Variants in UBE2D3 observed in about 807,000 individuals in gnomAD.
UBE2D3 encodes the protein ubiquitin-conjugating enzyme E2 D3.
In UBE2D3, 2 loss-of-function variants were observed where a neutral mutation model predicts 22.8. The observed-to-expected ratio is 0.09, with a 90% confidence interval of 0.04 to 0.28. The LOEUF is 0.28. Among genes scored for constraint, UBE2D3 ranks in the 10% least tolerant of loss-of-function variants. The pLI is 1.00. For synonymous variants in UBE2D3, 56 were observed against 60.4 expected (o/e 0.93, Z 0.34); for missense variants, 27 against 182.5 (o/e 0.15, Z 4.91).
intron 2 of UBE2D3, 43 bp downstream of exon 2, chr4:102,826,442 T>A: frequency 6.2e-7 from 1 of 1,612,852 alleles, no homozygotes; most frequent in Non-Finnish European, 8.5e-7. Context: ...GCCCGAGCCT[T>A]CCTTTTCTCC....
intron 2 of UBE2D3, among the ~76,000 whole-genome samples, chr4:102,819,960 T>C (rs1034024888): frequency 2.6e-5 from 4 of 152,190 alleles, no homozygotes; most frequent in South Asian, 4.1e-4. Flanking sequence ...ATCAGCATTA[T>C]AAAAACAGCC....
intron 1 of UBE2D3, among the ~76,000 whole-genome samples, chr4:102,854,625 T>C (rs1243667896): frequency 1.3e-5 from 2 of 152,242 alleles, no homozygotes; most frequent in African/African-American, 4.8e-5. Context: ...ACTCCAGCTT[T>C]CTTTTTATTA....
intron 1 of UBE2D3, among the ~76,000 whole-genome samples, chr4:102,839,093 A>C (rs28444377): frequency 0.22 from 32,837 of 152,146 alleles, 3,739 homozygotes; most frequent in South Asian, 0.34. Context: ...TCTAAGTATA[A>C]AAGATAAATC....
intron 2 of UBE2D3, among the ~76,000 whole-genome samples, chr4:102,819,034 G>C (rs779822379): frequency 1.8e-4 from 27 of 152,108 alleles, no homozygotes; most frequent in Admixed American, 7.2e-4. Flanking sequence ...AGAAACATAA[G>C]AATGTCCCCT....
At position 102,851,672 on chromosome 4, in the gene UBE2D3, G is replaced by T. The variant is rs1433653961; in HGVS notation, c.-129+17043C>A. On this transcript the variant is annotated intron_variant, in intron 1 of 7. Transcript: ENST00000338145. ...TTTTTTTTGTTTTGTTTTGTTTTTT[G>T]TTTTTTTTTTTTGAGACGGAGTCTT... Among the ~76,000 whole-genome samples the T allele has an allele frequency of 5.8e-5, 8 of 137,146 alleles. No homozygotes were observed. In the East Asian group the frequency reaches 1.0e-3, roughly 18 times the overall value. 90.0% of individuals were successfully genotyped at this position (137,146 alleles called of 152,430 possible).
At chr4:102,831,522 G>A (rs1298816628), upstream of UBE2D3, among the ~76,000 whole-genome samples, 1 of 152,208 alleles carries the variant, frequency 6.6e-6, no homozygotes, top group East Asian at 1.9e-4. Flanking sequence ...ATCAGCTGAT[G>A]AATGGATAAA....
At chr4:102,833,068 A>G (rs577747320) in intron 1 of UBE2D3, among the ~76,000 whole-genome samples, 3 of 151,894 alleles carry the variant, frequency 2.0e-5, no homozygotes, top group Non-Finnish European at 4.4e-5. Flanking sequence ...AAACAATAGT[A>G]TGAACTTCCT....
chr4:102,829,317 A>C (rs974601982), upstream of UBE2D3, among the ~76,000 whole-genome samples: 1 of 152,194 alleles, frequency 6.6e-6, no homozygotes, highest in African/African-American at 2.4e-5. Flanking sequence ...TCACCTCAGT[A>C]ACACCTCTGG....
At chr4:102,862,218 C>T (rs1732931118) in intron 1 of UBE2D3, among the ~76,000 whole-genome samples, 1 of 151,804 alleles carries the variant, frequency 6.6e-6, no homozygotes, top group Non-Finnish European at 1.5e-5. Context: ...AAGGCAGTTC[C>T]AAATGTAGTT....
chr4:102,841,512 C>T (rs1731755599), intron 1 of UBE2D3, among the ~76,000 whole-genome samples: 1 of 152,160 alleles, frequency 6.6e-6, no homozygotes, highest in South Asian at 2.1e-4. Flanking sequence ...TTGTCTTTCA[C>T]CCTTCCCTTT....
chr4:102,827,889 C>A, upstream of UBE2D3: 1 of 985,740 alleles, frequency 1.0e-6, no homozygotes, highest in Non-Finnish European at 1.2e-6. Context: ...AAGGAAGCAG[C>A]CGCTGCGCGA....
chr4:102,799,068 A>G, intron 7 of UBE2D3: 2 of 1,394,274 alleles, frequency 1.4e-6, no homozygotes, highest in Non-Finnish European at 2.0e-6. Context: ...TATTTGAGAA[A>G]TTTAGACCAA....
chr4:102,868,182 C>G (rs915746915), intron 1 of UBE2D3, among the ~76,000 whole-genome samples: 24 of 146,494 alleles, frequency 1.6e-4, no homozygotes, highest in African/African-American at 6.1e-4. Flanking sequence ...AAGCGATTCT[C>G]CTGCCTCAGT....
chr4:102,817,069 T>C (rs1474913369), intron 2 of UBE2D3, among the ~76,000 whole-genome samples: 1 of 152,160 alleles, frequency 6.6e-6, no homozygotes. Flanking sequence ...AGCAGGCATT[T>C]ACCAAGAACA....
At chr4:102,864,486 G>A (rs1407024814) in intron 1 of UBE2D3, among the ~76,000 whole-genome samples, 1 of 136,856 alleles carries the variant, frequency 7.3e-6, no homozygotes, top group East Asian at 2.1e-4. Context: ...TAAAATTGCT[G>A]AATTTAAGGT....
rs1002348241 is a variant in UBE2D3 at position 102,826,373 on chromosome 4, G to A, written c.24+112C>T. On this transcript the variant is annotated intron_variant, in intron 2 of 7. Coordinates refer to ENST00000453744, the MANE Select transcript of UBE2D3 (RefSeq NM_181891.3). ...CGTTCTCCATCCCCCCATGGAAGAA[G>A]TGATCCAAGAGGTATTTTCAGAATT... The A allele has an allele frequency of 5.2e-6, 7 of 1,338,956 alleles. No individual in the cohort carries two copies. The African/African-American group carries it at 7.3e-5, about 14-fold the overall frequency. The allele number at this position is 1,338,956 out of a possible 1,614,324, so 82.9% of individuals were successfully genotyped here. A position where few individuals can be genotyped will look rare whatever the true frequency, so the allele number is the denominator to read the frequency against.
Position 102,827,431 on chromosome 4 carries a change from G to A in UBE2D3, c.-133C>T, listed in dbSNP as rs907187287. On this transcript the variant is annotated 5_prime_UTR_variant, in exon 1 of 8. Coordinates refer to ENST00000453744, the MANE Select transcript of UBE2D3 (RefSeq NM_181891.3). ...GCCGTCCACACCCACGCGTACAGAG[G>A]GGCCGGGGCCTCCCTCAAGCTGCGG... The A allele has an allele frequency of 1.8e-5, 18 of 985,988 alleles. No individual in the cohort carries two copies. The highest frequency in any genetic ancestry group is 2.2e-5 in the Non-Finnish European group (18 of 830,104). 61.1% of individuals were successfully genotyped at this position (985,988 alleles called of 1,614,324 possible).
intron 2 of UBE2D3, among the ~76,000 whole-genome samples, chr4:102,813,720 A>T (rs1728391792): frequency 6.6e-6 from 1 of 152,230 alleles, no homozygotes; most frequent in South Asian, 2.1e-4. Flanking sequence ...ACGCTAAGAA[A>T]GGGAACCTTG....
intron 6 of UBE2D3, 104 bp from the exon 7 acceptor site, chr4:102,799,604 AG>A (rs1345236991): frequency 2.6e-6 from 2 of 762,588 alleles, no homozygotes; most frequent in Non-Finnish European, 4.2e-6. Flanking sequence ...GACTTTTATT[AG>A]TTTGTATCTT....
Sources: gnomAD v4.1 joint callset for allele counts (sites outside exome capture counted in the v4.1 genomes callset) on GRCh38, gnomAD v4.1.1 for gene constraint, MANE v1.5 for transcripts, NCBI Gene and HGNC (gene_info 2026-07-23, HGNC 2026-07-21) for gene names.